NRG3: variants seen among roughly 807,000 people sequenced by gnomAD.
NRG3 encodes pro-neuregulin-3, membrane-bound isoform.
NRG3 carries 31 observed loss-of-function variants against 66.9 expected under a neutral mutation model. The ratio of observed to expected loss-of-function variants is 0.46; its 90% CI spans 0.35 to 0.63. The LOEUF is 0.63. NRG3 is among the 20% of genes least tolerant of loss of function. The probability of loss-of-function intolerance (pLI) is 0.00; values close to 1 mark genes in which losing one functional copy is unlikely to be tolerated. For missense variants in NRG3, 910 were observed against 878.9 expected (o/e 1.04, Z -0.45); for synonymous variants, 393 against 359.4 (o/e 1.09, Z -1.06).
intron 1 of NRG3, among the ~76,000 whole-genome samples, chr10:82,199,040 G>A (rs1408612438): frequency 1.3e-5 from 2 of 148,282 alleles, no homozygotes; most frequent in Non-Finnish European, 3.0e-5. Context: ...GTGGTTGCAT[G>A]CACCTGTAAT....
At chr10:82,247,351 C>T (rs1394155224) in intron 1 of NRG3, among the ~76,000 whole-genome samples, 1 of 152,154 alleles carries the variant, frequency 6.6e-6, no homozygotes, top group African/African-American at 2.4e-5. Flanking sequence ...TGTGGGCTCT[C>T]TTCTGGGCTG....
intron 2 of NRG3, among the ~76,000 whole-genome samples, chr10:82,430,550 C>T (rs2089738075): frequency 1.3e-5 from 2 of 152,170 alleles, no homozygotes; most frequent in African/African-American, 4.8e-5. Flanking sequence ...AGCCACCACG[C>T]CCGACCATTG....
chr10:82,476,995 G>T (rs1841842566), intron 2 of NRG3, among the ~76,000 whole-genome samples: 2 of 152,276 alleles, frequency 1.3e-5, no homozygotes, highest in Admixed American at 6.5e-5. Context: ...CTTTTGGAAA[G>T]GATGGATGAC....
chr10:82,558,673 G>A (rs1355764859), intron 2 of NRG3, among the ~76,000 whole-genome samples: 4 of 152,174 alleles, frequency 2.6e-5, no homozygotes, highest in African/African-American at 9.7e-5. Flanking sequence ...ATGCAAAGAC[G>A]TCAAATTCGC....
Position 82,085,057 on chromosome 10 carries a change from G to A in NRG3, c.823+208894G>A, listed in dbSNP as rs114083820. 1.2e-3 allele frequency among the ~76,000 whole-genome samples: 183 copies of A among 152,216 alleles called. 2 individuals carry two copies. The highest frequency in any genetic ancestry group is 4.2e-3 in the African/African-American group (176 of 41,504). ...ATTGTTAAGTGTGGCTGCTACCATC[G>A]TCAATGGAAGAGAACCAAAGCACTC... On this transcript the variant is annotated intron_variant, in intron 1 of 8. Transcript: ENST00000372141.
chr10:82,323,709 G>T (rs1393480805), intron 1 of NRG3, among the ~76,000 whole-genome samples: 1 of 151,908 alleles, frequency 6.6e-6, no homozygotes, highest in Non-Finnish European at 1.5e-5. Flanking sequence ...TTATGGTAGA[G>T]TTGCCGAGTA....
intron 1 of NRG3, among the ~76,000 whole-genome samples, chr10:82,041,483 T>G (rs776440713): frequency 2.0e-5 from 3 of 151,968 alleles, no homozygotes; most frequent in Admixed American, 6.6e-5. Context: ...ACTGGATCTA[T>G]CTCTAAACCT....
rs192775239 is a variant in NRG3, at chr10:82,679,686, G to C, written c.954-58891G>C. ...TACAGGGCAGTGTACAAATACCCAA[G>C]TGACATATCTCAATCTTCATATCAA... is the stretch of plus-strand genomic sequence containing the variant. On this transcript the variant is annotated intron_variant, in intron 2 of 8. Transcript: ENST00000372141. Among the ~76,000 whole-genome samples the C allele has an allele frequency of 2.1e-3, 323 of 152,212 alleles. 2 individuals are homozygous for C. Among genetic ancestry groups the C allele is most frequent in the Non-Finnish European group, 3.7e-3 (255 of 68,020 alleles).
At chr10:82,540,590 G>A (rs2043477840) in intron 2 of NRG3, among the ~76,000 whole-genome samples, 1 of 151,972 alleles carries the variant, frequency 6.6e-6, no homozygotes, top group African/African-American at 2.4e-5. Flanking sequence ...TTGGAGCCCA[G>A]GTGGAGTAAG....
chr10:82,871,611 C>T (rs1841349609), intron 4 of NRG3, among the ~76,000 whole-genome samples: 1 of 151,998 alleles, frequency 6.6e-6, no homozygotes, highest in Non-Finnish European at 1.5e-5. Context: ...AGTGTTTTAT[C>T]ATTTTATTTG....
rs375858568 is a variant in NRG3, at chr10:82,348,843, C to T, written c.824-9896C>T. On this transcript the variant is annotated intron_variant, in intron 1 of 8. Transcript: ENST00000372141. ...TCATCTTCCATTGCTGATACCCTTT[C>T]TTCCAGTTGATTGCATCGGCTCCTG... Among the ~76,000 whole-genome samples, 19 of 151,260 alleles carry T rather than the reference C, an allele frequency of 1.3e-4. No homozygotes were observed. The East Asian group carries it at 3.1e-3, about 25-fold the overall frequency.
chr10:82,748,303 T>TAGGATTCA (rs1210988642), intron 3 of NRG3, among the ~76,000 whole-genome samples: 1 of 151,270 alleles, frequency 6.6e-6, no homozygotes, highest in Non-Finnish European at 1.5e-5. Flanking sequence ...AAATACAATA[T>TAGGATTCA]AGGATTCAAA....
At chr10:82,480,443 TG>T (rs1454248707) in intron 2 of NRG3, among the ~76,000 whole-genome samples, 3 of 152,166 alleles carry the variant, frequency 2.0e-5, no homozygotes, top group African/African-American at 7.2e-5. Flanking sequence ...AAATAATTGG[TG>T]CTTATGAAAA....
intron 1 of NRG3, among the ~76,000 whole-genome samples, chr10:82,243,886 TA>T: frequency 6.6e-6 from 1 of 152,344 alleles, no homozygotes; most frequent in South Asian, 2.1e-4. Flanking sequence ...GATTTAGTGA[TA>T]TTTTCAAGGA....
At chr10:82,313,880 C>A (rs952497642) in intron 1 of NRG3, among the ~76,000 whole-genome samples, 2 of 152,192 alleles carry the variant, frequency 1.3e-5, no homozygotes, top group Non-Finnish European at 2.9e-5. Context: ...TCAAGAAAGA[C>A]AATTCTATGT....
intron 1 of NRG3, among the ~76,000 whole-genome samples, chr10:81,984,891 A>G (rs1017642701): frequency 6.6e-6 from 1 of 152,246 alleles, no homozygotes; most frequent in Non-Finnish European, 1.5e-5. Context: ...TGCTAATAAC[A>G]GGAGAAAAGA....
At chr10:82,681,469 C>A (rs1322809691) in intron 2 of NRG3, among the ~76,000 whole-genome samples, 1 of 152,096 alleles carries the variant, frequency 6.6e-6, no homozygotes, top group African/African-American at 2.4e-5. Context: ...TAACTCAGTC[C>A]AGTTGGAAAT....
At chr10:82,337,584 C>T (rs888149607) in intron 1 of NRG3, among the ~76,000 whole-genome samples, 2 of 152,184 alleles carry the variant, frequency 1.3e-5, no homozygotes, top group Admixed American at 6.5e-5. Flanking sequence ...GAAGCTGCAC[C>T]ATTTTACTTT....
intron 1 of NRG3, among the ~76,000 whole-genome samples, chr10:82,083,693 C>T (rs1356001298): frequency 7.3e-5 from 11 of 150,662 alleles, no homozygotes; most frequent in South Asian, 6.3e-4. Context: ...CTCCTAGGTT[C>T]GAGTGATTCT....
Sources: allele counts gnomAD v4.1 joint callset (sites outside exome capture counted in the v4.1 genomes callset), GRCh38; gene constraint gnomAD v4.1.1; transcripts MANE v1.5; gene names NCBI Gene and HGNC (gene_info 2026-07-23, HGNC 2026-07-21).